The following SLC28A3 variants were observed in gnomAD, a reference collection of about 807,000 sequenced individuals.
SLC28A3 encodes solute carrier family 28 member 3.
Under a neutral mutation model 84.2 loss-of-function variants are expected in SLC28A3, and 68 were observed. That is an observed-to-expected ratio of 0.81 (90% CI 0.66 to 0.99). The LOEUF is 0.99. Ranked by LOEUF, SLC28A3 falls within the 50% of genes least tolerant of loss-of-function variation. The pLI, the probability that SLC28A3 is intolerant of heterozygous loss-of-function variation, is 0.00. For missense variants in SLC28A3, 712 were observed against 841.5 expected (o/e 0.85, Z 1.90); for synonymous variants, 267 against 303.6 (o/e 0.88, Z 1.25).
chr9:84,345,510 C>T (rs1189562752), upstream of SLC28A3, among the ~76,000 whole-genome samples: 1 of 152,184 alleles, frequency 6.6e-6, no homozygotes, highest in African/African-American at 2.4e-5. Context: ...GCAGACACTG[C>T]TTTAGGAACT....
intron 1 of SLC28A3, among the ~76,000 whole-genome samples, chr9:84,315,770 T>C (rs1826150449): frequency 1.3e-5 from 2 of 152,174 alleles, no homozygotes; most frequent in Non-Finnish European, 2.9e-5. Context: ...CTGTCTTTCT[T>C]CTTCTTTTTA....
At chr9:84,296,650 A>T (rs1825425906) in intron 8 of SLC28A3, among the ~76,000 whole-genome samples, 1 of 152,222 alleles carries the variant, frequency 6.6e-6, no homozygotes, top group African/African-American at 2.4e-5. Context: ...TTCCCCTGTA[A>T]AATAATGTTC....
At chr9:84,365,109 A>C in the SLC28A3 span, among the ~76,000 whole-genome samples, 3 of 152,188 alleles carry the variant, frequency 2.0e-5, no homozygotes, top group African/African-American at 4.8e-5. Flanking sequence ...TATTCTCCAG[A>C]GTGTCTGTAC....
At chr9:84,320,164 C>T (rs1371354952) in intron 1 of SLC28A3, among the ~76,000 whole-genome samples, 1 of 148,734 alleles carries the variant, frequency 6.7e-6, no homozygotes, top group South Asian at 2.2e-4. Flanking sequence ...ATTCTCATAC[C>T]TCAGTCTCCT....
chr9:84,293,527 G>A (rs1825312255), intron 9 of SLC28A3, among the ~76,000 whole-genome samples: 1 of 152,174 alleles, frequency 6.6e-6, no homozygotes. Flanking sequence ...GAGGGCTGGG[G>A]CTGTGCCCCA....
chr9:84,284,139 C>T (rs1170807155), intron 14 of SLC28A3, among the ~76,000 whole-genome samples: 1 of 152,204 alleles, frequency 6.6e-6, no homozygotes, highest in Non-Finnish European at 1.5e-5. Context: ...ACGATTCTCT[C>T]CTGGCAACTG....
chr9:84,352,279 G>A, the SLC28A3 span, among the ~76,000 whole-genome samples: 3 of 152,002 alleles, frequency 2.0e-5, no homozygotes, highest in Non-Finnish European at 2.9e-5. Flanking sequence ...CGCCTCCTGG[G>A]TTCAAGTGAT....
the SLC28A3 span, among the ~76,000 whole-genome samples, chr9:84,356,650 T>A: frequency 6.6e-6 from 1 of 151,998 alleles, no homozygotes; most frequent in Admixed American, 6.6e-5. Flanking sequence ...GCCAATATGG[T>A]GAAACCCCGT....
At chr9:84,341,692 A>G (rs1827161436), upstream of SLC28A3, among the ~76,000 whole-genome samples, 1 of 152,230 alleles carries the variant, frequency 6.6e-6, no homozygotes, top group Non-Finnish European at 1.5e-5. Context: ...GTGACCAGCT[A>G]TTCAATTATC....
At chr9:84,366,991 G>A in the SLC28A3 span, among the ~76,000 whole-genome samples, 1 of 152,178 alleles carries the variant, frequency 6.6e-6, no homozygotes, top group Non-Finnish European at 1.5e-5. Flanking sequence ...AGCTCCCCCA[G>A]GCCTTTGGTG....
intron 3 of SLC28A3, among the ~76,000 whole-genome samples, chr9:84,308,783 T>C (rs528992898): frequency 9.2e-5 from 14 of 152,354 alleles, no homozygotes; most frequent in South Asian, 8.3e-4. Flanking sequence ...CCTAATTCTC[T>C]TCCTCTCCTA....
At chr9:84,292,464 T>TCTCC in intron 10 of SLC28A3, 1 of 357,490 alleles carries the variant, frequency 2.8e-6, no homozygotes, top group African/African-American at 4.5e-5. Context: ...TGTCTCTCTG[T>TCTCC]CTCTCTCTCT....
Position 84,300,080 on chromosome 9 carries a change from C to A in SLC28A3, c.525-355G>T, listed in dbSNP as rs1825569860. Among the ~76,000 whole-genome samples, 4 of 152,184 alleles carry A rather than the reference C, an allele frequency of 2.6e-5. 1 individual carries two copies. Among genetic ancestry groups the A allele is most frequent in the Admixed American group, 2.6e-4 (4 of 15,284 alleles). ...GTGCTGGGATTACAGGTGCGAGCCA[C>A]CACTCCCAGCCATCAGGCTTAAATT... On this transcript the variant is annotated intron_variant, in intron 5 of 17. Transcript: ENST00000376238.
intron 15 of SLC28A3, among the ~76,000 whole-genome samples, chr9:84,280,417 T>A (rs1276278233): frequency 6.6e-6 from 1 of 152,164 alleles, no homozygotes; most frequent in Non-Finnish European, 1.5e-5. Context: ...GATGTGCAAC[T>A]CAACTGTCAC....
intron 4 of SLC28A3, among the ~76,000 whole-genome samples, chr9:84,303,649 A>T (rs1217280048): frequency 6.6e-6 from 1 of 152,042 alleles, no homozygotes; most frequent in African/African-American, 2.4e-5. Context: ...ACAGCTCACC[A>T]GTTTTACAAG....
intron 1 of SLC28A3, among the ~76,000 whole-genome samples, chr9:84,319,045 C>A (rs1161321401): frequency 6.6e-6 from 1 of 151,952 alleles, no homozygotes; most frequent in Non-Finnish European, 1.5e-5. Flanking sequence ...GATTCTAGAA[C>A]AAATTATAAA....
rs1403165279 is a variant in SLC28A3 at position 84,285,362 on chromosome 9, C to T, written c.1630G>A (p.Val544Met). ...TTACTCACTGATATATATTGCTGCA[C>T]ACCGTTTACAAATTTGGGTCCACCT... is the stretch of plus-strand genomic sequence containing the variant. ...KEGGPKFVNG[V>M]QQYISIRSEI... The change falls in exon 14 of 18, where the codon GTG becomes ATG. Residue 544 changes from valine (V) to methionine (M), a missense_variant. Val to Met is a conservative substitution (Grantham distance 21). Transcript: ENST00000376238. 2 of 1,613,964 alleles carry T rather than the reference C, an allele frequency of 1.2e-6. No individual in the cohort carries two copies. Among genetic ancestry groups the T allele is most frequent in the East Asian group, 2.2e-5 (1 of 44,886 alleles).
At chr9:84,320,046 T>TG (rs1372023054) in intron 1 of SLC28A3, among the ~76,000 whole-genome samples, 6,602 of 122,352 alleles carry the variant, frequency 0.054, 512 homozygotes, top group African/African-American at 0.1. Context: ...CACTGTTTTT[T>TG]TTTTTTTTTT....
chr9:84,296,974 A>C (rs1452257526), intron 8 of SLC28A3, among the ~76,000 whole-genome samples: 1 of 152,206 alleles, frequency 6.6e-6, no homozygotes, highest in Non-Finnish European at 1.5e-5. Context: ...CCCATTCCCT[A>C]GTATTTGAAT....
Sources: gnomAD v4.1 joint callset for allele counts (sites outside exome capture counted in the v4.1 genomes callset) on GRCh38, gnomAD v4.1.1 for gene constraint, MANE v1.5 for transcripts, NCBI Gene and HGNC (gene_info 2026-07-23, HGNC 2026-07-21) for gene names.